The following PDGFC variants were observed in gnomAD, a reference collection of about 807,000 sequenced individuals.
PDGFC encodes the protein platelet-derived growth factor C.
PDGFC carries 12 observed loss-of-function variants against 35.5 expected under a neutral mutation model. That is an observed-to-expected ratio of 0.34 (90% CI 0.22 to 0.55). The LOEUF (loss-of-function observed/expected upper bound fraction) is 0.55, where lower values mean the gene tolerates loss of function less well. Ranked by LOEUF, PDGFC falls within the 20% of genes least tolerant of loss-of-function variation. The pLI is 0.91. For synonymous variants in PDGFC, 159 were observed against 148.8 expected, an observed-to-expected ratio of 1.07 and a Z score of -0.50; for missense variants, 322 against 412.4, an observed-to-expected ratio of 0.78 and a Z score of 1.90.
rs548251484 is a variant in PDGFC, at chr4:156,799,048, T to C, written c.495+11789A>G. On this transcript the variant is annotated intron_variant, in intron 3 of 5. Coordinates refer to ENST00000502773, the MANE Select transcript of PDGFC (RefSeq NM_016205.3). The stretch of plus-strand genomic sequence containing the variant: ...AATTGCTACCTCAATGTCTTTCCTA[T>C]TATTTTCCCATAAAACAAAATTTTT... Among the ~76,000 whole-genome samples, 4 of 152,230 alleles carry C rather than the reference T, an allele frequency of 2.6e-5. No homozygotes were observed. The South Asian group carries it at 8.3e-4, about 32-fold the overall frequency.
chr4:156,970,425 G>C (rs1732563994), intron 1 of PDGFC, among the ~76,000 whole-genome samples: 1 of 152,108 alleles, frequency 6.6e-6, no homozygotes, highest in Admixed American at 6.5e-5. Context: ...TCTGAGTAAA[G>C]TCAAACATGC....
At chr4:156,889,765 G>A (rs575876795) in intron 1 of PDGFC, among the ~76,000 whole-genome samples, 64 of 152,112 alleles carry the variant, frequency 4.2e-4, no homozygotes, top group African/African-American at 1.1e-3. Context: ...TAATCTTGTC[G>A]GTTGCCCAAT....
At chr4:156,846,404 C>A (rs911141024) in intron 2 of PDGFC, among the ~76,000 whole-genome samples, 2 of 151,544 alleles carry the variant, frequency 1.3e-5, no homozygotes, top group Non-Finnish European at 3.0e-5. Flanking sequence ...ATTGAGAGAT[C>A]TAATTATGAA....
intron 2 of PDGFC, among the ~76,000 whole-genome samples, chr4:156,831,257 T>C (rs1728924701): frequency 6.6e-6 from 1 of 152,106 alleles, no homozygotes; most frequent in African/African-American, 2.4e-5. Flanking sequence ...ATTTGTACTC[T>C]TGAACATTTT....
At chr4:156,923,555 G>T (rs767732977) in intron 1 of PDGFC, among the ~76,000 whole-genome samples, 1 of 152,122 alleles carries the variant, frequency 6.6e-6, no homozygotes, top group East Asian at 1.9e-4. Flanking sequence ...CAGTTTCAAA[G>T]AAAACTCTAA....
intron 1 of PDGFC, among the ~76,000 whole-genome samples, chr4:156,857,860 T>C (rs1729619388): frequency 6.6e-6 from 1 of 151,990 alleles, no homozygotes; most frequent in Non-Finnish European, 1.5e-5. Context: ...TCTAGCCTAA[T>C]GAAAAAGTTG....
At chr4:156,906,577 G>T (rs180921878) in intron 1 of PDGFC, among the ~76,000 whole-genome samples, 20 of 152,196 alleles carry the variant, frequency 1.3e-4, no homozygotes, top group African/African-American at 4.3e-4. Context: ...TTCCTGGAAG[G>T]TAGCTTAGGG....
At chr4:156,764,258 TAAAAGA>T (rs1730458332) in intron 5 of PDGFC, among the ~76,000 whole-genome samples, 2 of 152,160 alleles carry the variant, frequency 1.3e-5, no homozygotes. Context: ...TTTAAAGACT[TAAAAGA>T]AAAACAGAGA....
chr4:156,865,213 C>CACAT (rs397879287), intron 1 of PDGFC, among the ~76,000 whole-genome samples: 7 of 151,644 alleles, frequency 4.6e-5, no homozygotes, highest in African/African-American at 1.5e-4. Flanking sequence ...CACACACACA[C>CACAT]GCAGATACAA....
At chr4:156,945,482 C>G (rs1731925298) in intron 1 of PDGFC, among the ~76,000 whole-genome samples, 1 of 148,430 alleles carries the variant, frequency 6.7e-6, no homozygotes, top group Non-Finnish European at 1.5e-5. Flanking sequence ...AAAGGAAAAA[C>G]AGAAAAAATA....
At chr4:156,926,989 A>G (rs546021275) in intron 1 of PDGFC, among the ~76,000 whole-genome samples, 2 of 152,214 alleles carry the variant, frequency 1.3e-5, no homozygotes, top group Admixed American at 1.3e-4. Context: ...GTTTCCATAC[A>G]TCTTCTGAAA....
At chr4:156,966,662 A>C (rs1294120013) in intron 1 of PDGFC, among the ~76,000 whole-genome samples, 1 of 152,160 alleles carries the variant, frequency 6.6e-6, no homozygotes, top group Admixed American at 6.5e-5. Flanking sequence ...GTGAAATACA[A>C]GTAGACAAAG....
At chr4:156,874,976 C>T (rs1189009621) in intron 1 of PDGFC, among the ~76,000 whole-genome samples, 3 of 152,054 alleles carry the variant, frequency 2.0e-5, no homozygotes, top group African/African-American at 7.2e-5. Flanking sequence ...CTCTGGCCTC[C>T]CAAAGTGCTG....
chr4:156,899,781 C>T (rs1249144403), intron 1 of PDGFC, among the ~76,000 whole-genome samples: 1 of 152,178 alleles, frequency 6.6e-6, no homozygotes, highest in Non-Finnish European at 1.5e-5. Context: ...TGCCATTGCA[C>T]TCCAGCCTGG....
intron 1 of PDGFC, among the ~76,000 whole-genome samples, chr4:156,950,152 A>G: frequency 6.6e-6 from 1 of 151,874 alleles, no homozygotes; most frequent in East Asian, 1.9e-4. Context: ...GAATAAACAG[A>G]TTTGGGAAAA....
At chr4:156,908,160 C>G (rs1488994410) in intron 1 of PDGFC, among the ~76,000 whole-genome samples, 1 of 151,838 alleles carries the variant, frequency 6.6e-6, no homozygotes, top group African/African-American at 2.4e-5. Context: ...AGTGAGACTC[C>G]ATTCCAAAAA....
chr4:156,799,212 T>A (rs1441847564), intron 3 of PDGFC, among the ~76,000 whole-genome samples: 1 of 152,196 alleles, frequency 6.6e-6, no homozygotes, highest in Non-Finnish European at 1.5e-5. Context: ...AGGAAAGGCA[T>A]CAGCCAGGTA....
intron 3 of PDGFC, chr4:156,773,752 G>T (rs2110820635): frequency 6.6e-6 from 1 of 152,298 alleles, no homozygotes; most frequent in Non-Finnish European, 1.5e-5. Context: ...TGATTAAATT[G>T]GAACTCCTCT....
chr4:156,891,263 G>A (rs1382701675), intron 1 of PDGFC, among the ~76,000 whole-genome samples: 1 of 118,044 alleles, frequency 8.5e-6, no homozygotes, highest in African/African-American at 3.4e-5. Flanking sequence ...CTGGGCGACA[G>A]AGCGAGACTC....
Sources: allele counts gnomAD v4.1 joint callset (sites outside exome capture counted in the v4.1 genomes callset), GRCh38; gene constraint gnomAD v4.1.1; transcripts MANE v1.5; gene names NCBI Gene and HGNC (gene_info 2026-07-23, HGNC 2026-07-21).